ART3: variants seen among roughly 807,000 people sequenced by gnomAD.
ART3 encodes the protein ecto-ADP-ribosyltransferase 3.
In ART3, 49 loss-of-function variants were observed where a neutral mutation model predicts 48.5. The ratio of observed to expected loss-of-function variants is 1.01; its 90% CI spans 0.80 to 1.28. The LOEUF (loss-of-function observed/expected upper bound fraction) is 1.28. Among genes scored for constraint, ART3 ranks in the 50% most tolerant of loss-of-function variants. The probability of loss-of-function intolerance (pLI) is 0.00; values close to 1 mark genes in which losing one functional copy is unlikely to be tolerated. For synonymous variants in ART3, 145 were observed against 157.2 expected, an observed-to-expected ratio of 0.92 and a Z score of 0.58; for missense variants, 438 against 454.3, an observed-to-expected ratio of 0.96 and a Z score of 0.33.
At chr4:76,057,050 G>A (rs763784535) in intron 1 of ART3, among the ~76,000 whole-genome samples, 8 of 152,094 alleles carry the variant, frequency 5.3e-5, no homozygotes, top group South Asian at 4.1e-4. Context: ...ATATCCCTCA[G>A]TTTGTCTTAT....
chr4:76,106,006 C>T (rs1728387787), intron 10 of ART3: 1 of 985,252 alleles, frequency 1.0e-6, no homozygotes, highest in African/African-American at 1.7e-5. Flanking sequence ...GTGTATTGTG[C>T]CCTCTCCTGG....
chr4:76,111,553 AT>A (rs1205469126), intron 11 of ART3, among the ~76,000 whole-genome samples: 1 of 151,616 alleles, frequency 6.6e-6, no homozygotes, highest in African/African-American at 2.4e-5. Context: ...TTATTTATTT[AT>A]TTATTTGAGC....
In ART3 at chr4:76,036,483, A is replaced by T. The variant is rs1050053178; in HGVS notation, c.-10+25163A>T. Among the ~76,000 whole-genome samples, 3 of 152,000 alleles carry T rather than the reference A, an allele frequency of 2.0e-5. No homozygotes were observed. In the South Asian group the frequency reaches 6.2e-4, roughly 32 times the overall value. On this transcript the variant is annotated intron_variant, in intron 1 of 9. Transcript: ENST00000341029. ...TATCTCACTTTTGCTTTTCAGTCCA[A>T]ACTCTTATAATAGATAAGGCCTATA...
intron 1 of ART3, among the ~76,000 whole-genome samples, chr4:76,067,872 A>T (rs867314294): frequency 1.3e-5 from 2 of 152,182 alleles, no homozygotes; most frequent in Non-Finnish European, 1.5e-5. Flanking sequence ...GCCTTCCCCG[A>T]GGTATCTGAT....
chr4:76,106,054 C>G, intron 10 of ART3: 2 of 985,282 alleles, frequency 2.0e-6, no homozygotes. Context: ...GATGTGAAAA[C>G]AGTACACAGG....
intron 2 of ART3, among the ~76,000 whole-genome samples, chr4:76,078,950 G>A (rs373280749): frequency 1.2e-3 from 180 of 152,188 alleles, no homozygotes; most frequent in South Asian, 5.6e-3. Context: ...GCGTGGTGGC[G>A]GGCGTCTGTA....
intron 3 of ART3, among the ~76,000 whole-genome samples, chr4:76,089,855 G>A (rs1724463216): frequency 6.6e-6 from 1 of 152,154 alleles, no homozygotes; most frequent in African/African-American, 2.4e-5. Context: ...GCCGAGGCGG[G>A]CAGATCACGG....
At chr4:76,045,679 T>C (rs776224091) in intron 1 of ART3, among the ~76,000 whole-genome samples, 2 of 152,064 alleles carry the variant, frequency 1.3e-5, no homozygotes, top group Admixed American at 6.6e-5. Context: ...GAGCTTGTAC[T>C]AGAGCCTGCT....
At chr4:76,063,197 G>A (rs1009709171) in intron 1 of ART3, among the ~76,000 whole-genome samples, 1 of 152,046 alleles carries the variant, frequency 6.6e-6, no homozygotes, top group African/African-American at 2.4e-5. Context: ...TGGAGGCAGG[G>A]ATTTTTATTT....
chr4:76,024,579 A>G (rs1733197217), intron 1 of ART3, among the ~76,000 whole-genome samples: 1 of 152,182 alleles, frequency 6.6e-6, no homozygotes. Context: ...AATGGAACAC[A>G]TGTTGAACCT....
chr4:76,100,772 A>G (rs908271357), intron 6 of ART3, 23 bp from the exon 7 acceptor site: 11 of 1,606,672 alleles, frequency 6.8e-6, no homozygotes, highest in South Asian at 1.1e-5. Flanking sequence ...GTTAAAACTG[A>G]TGAGCTTCTT....
chr4:76,051,538 A>G (rs1392793530), intron 1 of ART3, among the ~76,000 whole-genome samples: 1 of 152,142 alleles, frequency 6.6e-6, no homozygotes, highest in Non-Finnish European at 1.5e-5. Flanking sequence ...TTCCAAAGTG[A>G]TGATGAATTT....
At chr4:76,096,284 G>C (rs1725991662) in intron 3 of ART3, among the ~76,000 whole-genome samples, 1 of 152,210 alleles carries the variant, frequency 6.6e-6, no homozygotes, top group Non-Finnish European at 1.5e-5. Flanking sequence ...TCAAATGCCT[G>C]AGTTTAGCCT....
At chr4:76,035,215 C>T in intron 1 of ART3, 3 of 1,614,092 alleles carry the variant, frequency 1.9e-6, no homozygotes, top group South Asian at 1.1e-5. Flanking sequence ...TCATTACTTA[C>T]ATCACTTCTA....
In ART3 at chr4:76,112,599, T is replaced by G. The variant is rs1729698637; in HGVS notation, c.*80T>G. ...ACAGGAGATCAAAAGGAATGATGTA[T>G]TTTTTACGTGTTGGCCAAAGTCACT... On this transcript the variant is annotated 3_prime_UTR_variant, in exon 12 of 12. Coordinates refer to ENST00000355810, the MANE Select transcript of ART3 (RefSeq NM_001130016.3). 1.4e-6 allele frequency: 2 copies of G among 1,430,782 alleles called. No individual in the cohort carries two copies. Among genetic ancestry groups the G allele is most frequent in the Non-Finnish European group, 1.9e-6 (2 of 1,073,188 alleles). The allele number at this position is 1,430,782 out of a possible 1,614,324, so 88.6% of individuals were successfully genotyped here. A position where few individuals can be genotyped will look rare whatever the true frequency, so the allele number is the denominator to read the frequency against.
intron 5 of ART3, chr4:76,099,715 G>T (rs1401495941): frequency 6.5e-6 from 1 of 153,172 alleles, no homozygotes; most frequent in African/African-American, 2.4e-5. Flanking sequence ...AAATATGTAG[G>T]TGATTAGATG....
At chr4:76,060,524 G>A (rs1719112372) in intron 1 of ART3, among the ~76,000 whole-genome samples, 1 of 152,130 alleles carries the variant, frequency 6.6e-6, no homozygotes, top group Non-Finnish European at 1.5e-5. Flanking sequence ...TAACATGGTA[G>A]GCAGAATAAT....
At chr4:76,040,437 TACACACACACACACACAC>T (rs748020159) in intron 1 of ART3, among the ~76,000 whole-genome samples, 5 of 88,482 alleles carry the variant, frequency 5.7e-5, no homozygotes, top group Admixed American at 1.4e-4. Context: ...ATACACTGGA[TACACACACACACACACAC>T]ACACACACAC....
At chr4:76,100,932 T>TA in intron 7 of ART3, 58 bp from the exon 8 acceptor site, 1 of 1,607,288 alleles carries the variant, frequency 6.2e-7, no homozygotes, top group Non-Finnish European at 8.5e-7. Context: ...GTAGCTATAG[T>TA]AACTGCCAAT....
Sources: gnomAD v4.1 joint callset for allele counts (sites outside exome capture counted in the v4.1 genomes callset) on GRCh38, gnomAD v4.1.1 for gene constraint, MANE v1.5 for transcripts, NCBI Gene and HGNC (gene_info 2026-07-23, HGNC 2026-07-21) for gene names.